The following RMST variants were observed in gnomAD, a reference collection of about 807,000 sequenced individuals.
The protein encoded by RMST is rhabdomyosarcoma 2 associated transcript.
In RMST at chr12:97,466,468, A is replaced by G. The variant is rs533510223; in HGVS notation, n.644+741A>G. ...TGGAGACAAGTACTCCTCGGTATGT[A>G]TCTATTATGTATATGAACACATTTT... On this transcript the variant is annotated intron_variant and non_coding_transcript_variant, in intron 5 of 13. Transcript: ENST00000640149. Among the ~76,000 whole-genome samples the G allele has an allele frequency of 2.6e-5, 4 of 152,212 alleles. No individual in the cohort carries two copies. In the South Asian group the frequency reaches 8.3e-4, roughly 32 times the overall value.
At chr12:97,513,834 T>G (rs1879665911) in intron 10 of RMST, among the ~76,000 whole-genome samples, 1 of 152,014 alleles carries the variant, frequency 6.6e-6, no homozygotes. Context: ...GGGAAATGGG[T>G]GAAGGAACTG....
intron 10 of RMST, among the ~76,000 whole-genome samples, chr12:97,509,790 A>G (rs775652153): frequency 2.6e-5 from 4 of 152,192 alleles, no homozygotes; most frequent in Non-Finnish European, 4.4e-5. Flanking sequence ...GTTCAATTAT[A>G]CAGCCAGTCA....
intron 10 of RMST, among the ~76,000 whole-genome samples, chr12:97,503,595 T>A (rs1464810806): frequency 6.6e-6 from 1 of 151,968 alleles, no homozygotes; most frequent in East Asian, 1.9e-4. Flanking sequence ...ATGGGAAAAA[T>A]TCCCCAAGTG....
At chr12:97,490,538 A>G (rs917685294) in intron 5 of RMST, among the ~76,000 whole-genome samples, 8 of 152,226 alleles carry the variant, frequency 5.3e-5, no homozygotes, top group African/African-American at 1.9e-4. Context: ...AGTGCCTGGC[A>G]CATAGTCAAG....
chr12:97,469,065 C>T (rs1873554089), intron 5 of RMST, among the ~76,000 whole-genome samples: 2 of 150,784 alleles, frequency 1.3e-5, no homozygotes, highest in African/African-American at 4.9e-5. Context: ...CTTTAAATGG[C>T]TTAAGATATA....
intron 11 of RMST, among the ~76,000 whole-genome samples, chr12:97,540,640 G>A (rs1445561622): frequency 1.3e-5 from 2 of 151,474 alleles, no homozygotes; most frequent in Non-Finnish European, 3.0e-5. Flanking sequence ...AGATCTTTTG[G>A]GCCCTAGTTT....
At chr12:97,526,488 G>A (rs1272884326) in intron 10 of RMST, among the ~76,000 whole-genome samples, 1 of 152,010 alleles carries the variant, frequency 6.6e-6, no homozygotes, top group Non-Finnish European at 1.5e-5. Flanking sequence ...TATGATCCTT[G>A]TCCATGTATT....
intron 10 of RMST, among the ~76,000 whole-genome samples, chr12:97,501,560 C>T (rs565179130): frequency 6.6e-6 from 1 of 152,308 alleles, no homozygotes; most frequent in East Asian, 1.9e-4. Context: ...GAAATTAAAA[C>T]TTGCAGGATG....
At chr12:97,508,880 A>C (rs1175536341) in intron 10 of RMST, among the ~76,000 whole-genome samples, 1 of 152,200 alleles carries the variant, frequency 6.6e-6, no homozygotes, top group African/African-American at 2.4e-5. Context: ...TCTGCTTTTT[A>C]CTACAATCGT....
intron 5 of RMST, among the ~76,000 whole-genome samples, chr12:97,477,713 CCT>C (rs1250376024): frequency 2.6e-4 from 40 of 152,274 alleles, no homozygotes; most frequent in African/African-American, 8.4e-4. Context: ...CATGGTTTTT[CCT>C]CTGTCTCTGC....
chr12:97,479,174 C>T (rs1156316617), intron 5 of RMST, among the ~76,000 whole-genome samples: 1 of 125,248 alleles, frequency 8.0e-6, no homozygotes, highest in Non-Finnish European at 1.6e-5. Flanking sequence ...AGGTCTCACT[C>T]TCTTGCCCAG....
chr12:97,505,283 G>A (rs1878543309), intron 10 of RMST, among the ~76,000 whole-genome samples: 1 of 152,222 alleles, frequency 6.6e-6, no homozygotes, highest in Non-Finnish European at 1.5e-5. Context: ...ATTTAAGAAA[G>A]TCTCGGCAAT....
chr12:97,540,634 C>CT (rs1882423780), intron 11 of RMST, among the ~76,000 whole-genome samples: 1 of 151,598 alleles, frequency 6.6e-6, no homozygotes, highest in South Asian at 2.1e-4. Flanking sequence ...TTTCCTAGAT[C>CT]TTTTGGGCCC....
At chr12:97,531,644 A>C (rs1205756107) in intron 11 of RMST, among the ~76,000 whole-genome samples, 1 of 151,986 alleles carries the variant, frequency 6.6e-6, no homozygotes, top group African/African-American at 2.4e-5. Flanking sequence ...AAAAATATGC[A>C]GAAGGCAAGT....
At chr12:97,489,977 C>T (rs904095450) in intron 5 of RMST, among the ~76,000 whole-genome samples, 4 of 152,148 alleles carry the variant, frequency 2.6e-5, no homozygotes, top group African/African-American at 9.7e-5. Context: ...AGGCCTGATC[C>T]CATGAGGTTA....
intron 5 of RMST, among the ~76,000 whole-genome samples, chr12:97,474,624 C>CAAAAAAAA (rs34888626): frequency 1.8e-5 from 1 of 55,800 alleles, no homozygotes; most frequent in African/African-American, 7.6e-5. Context: ...AAAAAGAAGC[C>CAAAAAAAA]AAAAAAAAAA....
At chr12:97,521,692 G>C (rs1342683351) in intron 10 of RMST, among the ~76,000 whole-genome samples, 1 of 152,128 alleles carries the variant, frequency 6.6e-6, no homozygotes, top group Non-Finnish European at 1.5e-5. Context: ...TGGAATCTGA[G>C]AATAACTGTG....
At chr12:97,489,484 T>A (rs1876519754) in intron 5 of RMST, among the ~76,000 whole-genome samples, 1 of 152,088 alleles carries the variant, frequency 6.6e-6, no homozygotes, top group Non-Finnish European at 1.5e-5. Flanking sequence ...ACTTTTAGCT[T>A]GTTAGGTGAT....
chr12:97,540,309 G>A (rs560993211), intron 11 of RMST, among the ~76,000 whole-genome samples: 4 of 151,746 alleles, frequency 2.6e-5, no homozygotes, highest in African/African-American at 7.2e-5. Flanking sequence ...TATATTTCAC[G>A]ATCAGTGTGT....
Sources: allele counts gnomAD v4.1 joint callset (sites outside exome capture counted in the v4.1 genomes callset), GRCh38; gene constraint gnomAD v4.1.1; transcripts MANE v1.5; gene names NCBI Gene and HGNC (gene_info 2026-07-23, HGNC 2026-07-21).